Variants in NPHP3 observed in about 807,000 individuals in gnomAD.
NPHP3 encodes nephrocystin 3.
A neutral mutation model predicts 171.9 loss-of-function variants in NPHP3; 123 were observed. That is an observed-to-expected ratio of 0.72 (90% confidence interval 0.62 to 0.83). The LOEUF (loss-of-function observed/expected upper bound fraction) is 0.83, where lower values mean the gene tolerates loss of function less well. Among genes scored for constraint, NPHP3 ranks in the 40% least tolerant of loss-of-function variants. The pLI is 0.00. For synonymous variants in NPHP3, 558 were observed against 579.2 expected (o/e 0.96, Z 0.52); for missense variants, 1,506 against 1,591.9 (o/e 0.95, Z 0.92).
chr3:132,708,249 A>C lies in NPHP3; in HGVS notation c.1127T>G (p.Leu376Trp). Residue 376 changes from leucine (L) to tryptophan (W), a missense_variant, in exon 7 of 27, where the codon TTG (leucine) becomes TGG (tryptophan). Around this residue, in one of 3 missense-constraint regions of NPHP3, gnomAD observed 930 missense variants for 924.9 expected, o/e 1.01. Transcript: ENST00000337331. The stretch of plus-strand genomic sequence containing the variant: ...CAGAAAAGCTTCTTCACAGTCTTCC[A>C]ATAAAAGGCTAGATTGGAAATCAGC... Reference protein sequence around the residue: ...FIHLTLPSLLLEDCEEAFLKN... With the variant: ...FIHLTLPSLLWEDCEEAFLKN... 1 of 1,614,060 alleles carries C rather than the reference A, an allele frequency of 6.2e-7. No individual in the cohort carries two copies. The highest frequency in any genetic ancestry group is 8.5e-7 in the Non-Finnish European group (1 of 1,180,002).
At chr3:132,699,686 G>A (rs1323539773) in intron 12 of NPHP3, among the ~76,000 whole-genome samples, 2 of 152,062 alleles carry the variant, frequency 1.3e-5, no homozygotes, top group Non-Finnish European at 2.9e-5. Flanking sequence ...ATGTCAGAAC[G>A]AATAGTCTTT....
chr3:132,691,679 C>T (rs529500000), intron 17 of NPHP3, among the ~76,000 whole-genome samples: 1 of 152,204 alleles, frequency 6.6e-6, no homozygotes, highest in African/African-American at 2.4e-5. Flanking sequence ...ACTTCATTTA[C>T]AATTGTATAT....
Position 132,700,179 on chromosome 3 carries a change from G to A in NPHP3, c.1744-118C>T, listed in dbSNP as rs1939568357. The A allele has an allele frequency of 1.2e-5, 16 of 1,298,616 alleles. No individual in the cohort carries two copies. The South Asian group carries it at 1.8e-4, about 15-fold the overall frequency. The allele number at this position is 1,298,616 out of a possible 1,614,324, so 80.4% of individuals were successfully genotyped here. A position where few individuals can be genotyped will look rare whatever the true frequency, so the allele number is the denominator to read the frequency against. On this transcript the variant is annotated intron_variant, in intron 11 of 26. Transcript: ENST00000337331. ...TTATAAACCAAAATCAAGTCACCAA[G>A]AGGACCCGATTGTATCGAATATTAT...
chr3:132,716,275 T>C (rs1344845270), intron 4 of NPHP3, among the ~76,000 whole-genome samples: 1 of 152,236 alleles, frequency 6.6e-6, no homozygotes, highest in Non-Finnish European at 1.5e-5. Context: ...ATTTTTATTG[T>C]TGCATTGTTA....
intron 25 of NPHP3, 33 bp from the exon 26 acceptor site, chr3:132,682,851 C>T: frequency 1.5e-6 from 2 of 1,338,966 alleles, no homozygotes; most frequent in Non-Finnish European, 2.2e-6. Flanking sequence ...CTCATGCACA[C>T]TGGGTTTCTG....
At chr3:132,721,261 G>A (rs1033627774) in intron 1 of NPHP3, among the ~76,000 whole-genome samples, 2 of 152,184 alleles carry the variant, frequency 1.3e-5, no homozygotes, top group African/African-American at 4.8e-5. Flanking sequence ...CCTGCTACAT[G>A]GAGGGCATGC....
chr3:132,702,578 T>C (rs1325625931), intron 9 of NPHP3, among the ~76,000 whole-genome samples: 1 of 152,234 alleles, frequency 6.6e-6, no homozygotes, highest in Admixed American at 6.5e-5. Context: ...GTGGTCTAAA[T>C]GATAGCTGAT....
chr3:132,699,973 G>A lies in NPHP3; in HGVS notation c.1832C>T (p.Ser611Phe), dbSNP rs1939563063. 3 of 1,614,118 alleles carry A rather than the reference G, an allele frequency of 1.9e-6. No individual in the cohort carries two copies. Among genetic ancestry groups the A allele is most frequent in the Non-Finnish European group, 2.5e-6 (3 of 1,180,016 alleles). Residue 611 changes from serine to phenylalanine, a missense_variant, in exon 12 of 27, where the codon TCT becomes TTT. Transcript: ENST00000337331. Reference protein sequence around the residue: ...EEFPRWLEKLSARHQGSIIIV... With the variant: ...EEFPRWLEKLFARHQGSIIIV... Reference sequence around the variant, plus strand: ...GATGATGCTGCCTTGATGACGAGCAGAGAGTTTTTCCAGCCAACGTGGAAA... The same window carrying A: ...GATGATGCTGCCTTGATGACGAGCAAAGAGTTTTTCCAGCCAACGTGGAAA...
At position 132,715,107 on chromosome 3, in the gene NPHP3, G is replaced by A; in HGVS notation, c.935C>T (p.Pro312Leu). ...CYLIYTDETQ[P>L]EMDLFLKDYS... ...CACCTTAAGGAAAAGATCCATCTCA[G>A]GCTGGGTTTCATCTGTATAAATGAG... Residue 312 changes from proline to leucine, a missense_variant, in exon 5 of 27, where the codon CCT becomes CTT. Pro to Leu is a moderately conservative substitution (Grantham distance 98). Transcript: ENST00000337331. The A allele has an allele frequency of 6.2e-7, 1 of 1,611,954 alleles. No homozygotes were observed. Among genetic ancestry groups the A allele is most frequent in the Non-Finnish European group, 8.5e-7 (1 of 1,178,244 alleles).
intron 16 of NPHP3, chr3:132,693,032 A>G: frequency 1.9e-6 from 1 of 538,412 alleles, no homozygotes; most frequent in East Asian, 3.1e-5. Flanking sequence ...CTAGCACACC[A>G]AAGATAACAC....
chr3:132,707,766 A>G (rs984231329), intron 7 of NPHP3, among the ~76,000 whole-genome samples: 1 of 151,974 alleles, frequency 6.6e-6, no homozygotes, highest in Non-Finnish European at 1.5e-5. Context: ...TGGCTCTCAG[A>G]CTCTGCACAC....
In NPHP3 at chr3:132,708,208, T is replaced by C; in HGVS notation, c.1168A>G (p.Lys390Glu). Reference sequence around the variant, plus strand: ...AAACGATGAAAGATTAATCGAGGTTTTCCTTCAGGGTTTTTCAGAAAAGCT... The same window carrying C: ...AAACGATGAAAGATTAATCGAGGTTCTCCTTCAGGGTTTTTCAGAAAAGCT... Reference protein sequence around the residue: ...EEAFLKNPEGKPRLIFHRLED... With the variant: ...EEAFLKNPEGEPRLIFHRLED... The change falls in exon 7 of 27, where the codon AAA becomes GAA. Residue 390 changes from lysine to glutamate, a missense_variant. Lys to Glu is a moderately conservative substitution (Grantham distance 56). Transcript: ENST00000337331. 1 of 1,614,160 alleles carries C rather than the reference T, an allele frequency of 6.2e-7. No individual in the cohort carries two copies. Among genetic ancestry groups the C allele is most frequent in the Non-Finnish European group, 8.5e-7 (1 of 1,179,978 alleles).
Position 132,680,658 on chromosome 3 carries a change from A to G in NPHP3, c.*1252T>C, listed in dbSNP as rs936469050. The G allele has an allele frequency of 6.6e-6, 1 of 152,220 alleles. No homozygotes were observed. The highest frequency in any genetic ancestry group is 2.4e-5 in the African/African-American group (1 of 41,452). The allele number at this position is 152,220 out of a possible 1,614,324, so 9.4% of individuals were successfully genotyped here. A position where few individuals can be genotyped will look rare whatever the true frequency, so the allele number is the denominator to read the frequency against. On this transcript the variant is annotated 3_prime_UTR_variant, in exon 27 of 27. Transcript: ENST00000337331. ...TAAAACAGTGAAGTGTGGCTATTAC[A>G]TATTTCACTTTTACAATCAATACAT...
rs2107980092 is a variant in NPHP3 at position 132,699,425 on chromosome 3, A to G, written c.1913T>C (p.Leu638Pro). 1 of 1,611,482 alleles carries G rather than the reference A, an allele frequency of 6.2e-7. No homozygotes were observed. The highest frequency in any genetic ancestry group is 8.5e-7 in the Non-Finnish European group (1 of 1,179,408). Residue 638 changes from leucine to proline, a missense_variant, in exon 13 of 27, where the codon CTG (leucine) becomes CCG (proline). Around this residue, in one of 3 missense-constraint regions of NPHP3, gnomAD observed 930 missense variants for 924.9 expected, o/e 1.01. Coordinates refer to ENST00000337331, the MANE Select transcript of NPHP3 (RefSeq NM_153240.5). ...TACATTCACTGGCAGTGGATCTATC[A>G]GCCATTTCATGTGTTTTTCAACTTG... ...VQQVEKHMKWLIDPLPVNVRV... is the reference protein window; with the variant it reads ...VQQVEKHMKWPIDPLPVNVRV...
At chr3:132,715,317 T>A in intron 4 of NPHP3, 99 bp from the exon 5 acceptor site, 1 of 958,760 alleles carries the variant, frequency 1.0e-6, no homozygotes, top group Admixed American at 1.8e-5. Context: ...TAGAATGGAA[T>A]CTGATCTTAC....
chr3:132,696,850 C>A, intron 14 of NPHP3, 37 bp from the exon 15 acceptor site: 3 of 1,537,904 alleles, frequency 2.0e-6, no homozygotes, highest in Non-Finnish European at 2.7e-6. Context: ...AACAGAAATA[C>A]AAAAACCACC....
intron 24 of NPHP3, 59 bp downstream of exon 24, chr3:132,684,495 A>G (rs1192611962): frequency 2.3e-5 from 36 of 1,583,034 alleles, no homozygotes; most frequent in Non-Finnish European, 4.3e-6. Context: ...TTTTGCTGAT[A>G]GTAGTTATGG....
At chr3:132,706,460 T>C (rs1280499195) in intron 7 of NPHP3, among the ~76,000 whole-genome samples, 2 of 151,932 alleles carry the variant, frequency 1.3e-5, no homozygotes, top group African/African-American at 4.8e-5. Context: ...ACTCAACATA[T>C]TTACCCTTCA....
At chr3:132,703,093 A>G (rs1260678858) in intron 9 of NPHP3, among the ~76,000 whole-genome samples, 3 of 152,256 alleles carry the variant, frequency 2.0e-5, no homozygotes, top group Non-Finnish European at 4.4e-5. Flanking sequence ...ATCATGGGCC[A>G]GGTACTGTGC....
Sources: allele counts gnomAD v4.1 joint callset (sites outside exome capture counted in the v4.1 genomes callset), GRCh38; gene constraint gnomAD v4.1.1; regional missense constraint gnomAD v4.1.1; transcripts MANE v1.5; gene names NCBI Gene and HGNC (gene_info 2026-07-23, HGNC 2026-07-21).